The following DPP6 variants were observed in gnomAD, a reference collection of about 807,000 sequenced individuals.
DPP6 encodes dipeptidyl peptidase like 6.
A neutral mutation model predicts 122.6 loss-of-function variants in DPP6; 69 were observed. The observed-to-expected ratio is 0.56, with a 90% CI of 0.46 to 0.69. The LOEUF is 0.69. Among genes scored for constraint, DPP6 ranks in the 30% least tolerant of loss-of-function variants. The pLI is 0.00. For missense variants in DPP6, 928 were observed against 1,116.9 expected, an observed-to-expected ratio of 0.83 and a Z score of 2.41; for synonymous variants, 418 against 433.1, an observed-to-expected ratio of 0.97 and a Z score of 0.43.
chr7:154,525,057 G>A (rs1167283291), intron 3 of DPP6, among the ~76,000 whole-genome samples: 1 of 152,202 alleles, frequency 6.6e-6, no homozygotes, highest in African/African-American at 2.4e-5. Flanking sequence ...ACTAGCAAGT[G>A]TGTAGTTTTG....
intron 1 of DPP6, among the ~76,000 whole-genome samples, chr7:154,415,967 C>T (rs1489466009): frequency 1.3e-5 from 2 of 151,756 alleles, no homozygotes; most frequent in Non-Finnish European, 2.9e-5. Context: ...AGAACCATGC[C>T]AGAGAGTTAT....
chr7:153,970,909 A>G (rs1191171195), intron 1 of DPP6, among the ~76,000 whole-genome samples: 2 of 152,192 alleles, frequency 1.3e-5, no homozygotes. Flanking sequence ...AAGACTTAAA[A>G]TCAGGTCGTT....
In DPP6 at chr7:154,850,585, T is replaced by C. The variant is rs543383664; in HGVS notation, c.1667-3195T>C. Among the ~76,000 whole-genome samples, 5 of 152,352 alleles carry C rather than the reference T, an allele frequency of 3.3e-5. No individual in the cohort carries two copies. The East Asian group carries it at 9.6e-4, about 29-fold the overall frequency. On this transcript the variant is annotated intron_variant, in intron 16 of 25. Transcript: ENST00000377770. Reference sequence around the variant, plus strand: ...ATTCAGCAGTGAAGCCATCAGGTCCTGGGCTTTTCTTTGATAGGAGACTTT... The same window carrying C: ...ATTCAGCAGTGAAGCCATCAGGTCCCGGGCTTTTCTTTGATAGGAGACTTT...
Position 154,803,869 on chromosome 7 carries a change from C to G in DPP6, c.1413C>G (p.Asn471Lys). ...GCCATGTCTGTGTGTTTCAGCCCAACAGCAGCAACGACAACATCCAGTCCA... is the reference window on the plus strand; with the variant it reads ...GCCATGTCTGTGTGTTTCAGCCCAAGAGCAGCAACGACAACATCCAGTCCA... ...YHITVSSSQP[N>K]SSNDNIQSIT... The change falls in exon 14 of 26, where the codon AAC becomes AAG. Residue 471 changes from asparagine (N) to lysine (K), a missense_variant. Asn to Lys is a moderately conservative substitution (Grantham distance 94). Transcript: ENST00000377770. 6.2e-7 allele frequency: 1 copy of G among 1,613,638 alleles called. No individual in the cohort carries two copies. The highest frequency in any genetic ancestry group is 8.5e-7 in the Non-Finnish European group (1 of 1,179,670).
chr7:153,841,565 G>A, the DPP6 span, among the ~76,000 whole-genome samples: 1 of 152,126 alleles, frequency 6.6e-6, no homozygotes, highest in South Asian at 2.1e-4. Context: ...TGAAATAATG[G>A]GATGGTTTGA....
rs779296179 is a variant in DPP6 at position 154,875,774 on chromosome 7, G to A, written c.1884-132G>A. ...ACCTGCCCGGGGCAACAGAATCTGG[G>A]GTATGGAGTTGAGCGTGTGGCAGCC... On this transcript the variant is annotated intron_variant, in intron 19 of 25. Coordinates refer to ENST00000377770, the MANE Select transcript of DPP6 (RefSeq NM_130797.4). The surrounding 1 kb of genome is among the most constrained non-coding windows in gnomAD (Gnocchi z 4.5). The A allele has an allele frequency of 3.4e-4, 438 of 1,307,284 alleles. 1 individual carries two copies. Among genetic ancestry groups the A allele is most frequent in the Admixed American group, 7.4e-4 (31 of 42,060 alleles). 81.0% of individuals were successfully genotyped at this position (1,307,284 alleles called of 1,614,324 possible). A position where few individuals can be genotyped will look rare whatever the true frequency, so the allele number is the denominator to read the frequency against.
At chr7:154,116,257 A>T (rs187993294) in intron 1 of DPP6, among the ~76,000 whole-genome samples, 5 of 152,358 alleles carry the variant, frequency 3.3e-5, no homozygotes, top group Admixed American at 2.0e-4. Context: ...ATGAATGGAC[A>T]TTTACTGTCT....
At chr7:154,085,007 A>AGAC (rs1554457758) in intron 1 of DPP6, among the ~76,000 whole-genome samples, 1 of 149,026 alleles carries the variant, frequency 6.7e-6, no homozygotes, top group African/African-American at 2.5e-5. Context: ...AAAAAAAAAA[A>AGAC]AAAACAGGTG....
At chr7:154,361,637 T>C (rs1240036807) in intron 1 of DPP6, among the ~76,000 whole-genome samples, 2 of 145,964 alleles carry the variant, frequency 1.4e-5, no homozygotes, top group Non-Finnish European at 3.0e-5. Flanking sequence ...ATTGGGGTCA[T>C]AGGGACCAAC....
the DPP6 span, among the ~76,000 whole-genome samples, chr7:153,846,088 AC>A: frequency 3.3e-5 from 5 of 152,188 alleles, no homozygotes; most frequent in Non-Finnish European, 7.4e-5. Context: ...TTTTATTTGT[AC>A]TTTTCCCCAC....
At chr7:154,010,657 T>TA (rs1310628963) in intron 1 of DPP6, among the ~76,000 whole-genome samples, 3 of 152,250 alleles carry the variant, frequency 2.0e-5, no homozygotes, top group African/African-American at 7.2e-5. Context: ...GTTCCCTTTT[T>TA]AATTTATTTA....
chr7:153,887,585 TCCAGTCTTCAG>T, exon 1 of DPP6: 1 of 1,423,342 alleles, frequency 7.0e-7, no homozygotes, highest in Non-Finnish European at 9.7e-7. Flanking sequence ...CCCGTTTCCA[TCCAGTCTTCAG>T]CCAGTCCAGT....
chr7:154,357,810 C>CAT (rs1811395338), intron 1 of DPP6, among the ~76,000 whole-genome samples: 1 of 152,018 alleles, frequency 6.6e-6, no homozygotes, highest in Non-Finnish European at 1.5e-5. Context: ...GGCCCGATGG[C>CAT]ACATGCCTGT....
chr7:153,886,630 C>A (rs1798926797), upstream of DPP6, among the ~76,000 whole-genome samples: 1 of 152,200 alleles, frequency 6.6e-6, no homozygotes, highest in African/African-American at 2.4e-5. Flanking sequence ...GGTAGCCGGG[C>A]GCTGCCATTC....
At chr7:153,966,389 G>A (rs1795722019) in intron 1 of DPP6, among the ~76,000 whole-genome samples, 1 of 149,544 alleles carries the variant, frequency 6.7e-6, no homozygotes, top group Non-Finnish European at 1.5e-5. Context: ...TGCAGGGGAG[G>A]CACCAGCTGT....
the DPP6 span, among the ~76,000 whole-genome samples, chr7:153,860,730 G>T: frequency 2.0e-5 from 3 of 151,688 alleles, no homozygotes; most frequent in African/African-American, 7.3e-5. Context: ...CCTGCCGTGG[G>T]TACTTCCTGT....
rs1356691126 is a variant in DPP6 at position 154,222,671 on chromosome 7, AAAATAAAATAAATT to A, written c.243+169615_243+169628del. Among the ~76,000 whole-genome samples the A allele has an allele frequency of 5.4e-4, 81 of 149,390 alleles. 9 individuals carry two copies. The highest frequency in any genetic ancestry group is 1.9e-3 in the African/African-American group (76 of 39,278). ...ACTCTGTCTCAAAAATAAATAAAAT[AAAATAAAATAAATT>A]AAATAATCTGCTTTGCAACAGACAG... On this transcript the variant is annotated intron_variant, in intron 1 of 25. Transcript: ENST00000377770.
chr7:154,669,425 C>A lies in DPP6; in HGVS notation c.746C>A (p.Pro249His). ...AAACTTCAGTATGCAGGATGGGGCC[C>A]TAAAGGCCAACAGCTGGTAAGCCAA... is the stretch of plus-strand genomic sequence containing the variant. ...NAKLQYAGWG[P>H]KGQQLIFIFE... The change falls in exon 7 of 26, where the codon CCT (proline) becomes CAT (histidine). Residue 249 changes from proline (P) to histidine (H), a missense_variant. Coordinates refer to ENST00000377770, the MANE Select transcript of DPP6 (RefSeq NM_130797.4). 6.4e-7 allele frequency: 1 copy of A among 1,554,596 alleles called. No individual in the cohort carries two copies.
intron 7 of DPP6, among the ~76,000 whole-genome samples, chr7:154,675,408 C>G (rs1838839797): frequency 6.6e-6 from 1 of 152,158 alleles, no homozygotes; most frequent in South Asian, 2.1e-4. Context: ...AGGATGGCAG[C>G]TCCCTTGGTG....
Sources: allele counts gnomAD v4.1 joint callset (sites outside exome capture counted in the v4.1 genomes callset), GRCh38; gene constraint gnomAD v4.1.1; non-coding constraint Gnocchi (gnomAD v3.1); transcripts MANE v1.5; gene names NCBI Gene and HGNC (gene_info 2026-07-23, HGNC 2026-07-21).